SMC5: variants seen among roughly 807,000 people sequenced by gnomAD.
SMC5 encodes structural maintenance of chromosomes 5, also known as structural maintenance of chromosomes protein 5.
Under a neutral mutation model 148.3 loss-of-function variants are expected in SMC5, and 88 were observed. That is an observed-to-expected ratio of 0.59 (90% CI 0.50 to 0.71). SMC5 has a LOEUF of 0.71. SMC5 is among the 30% of genes least tolerant of loss of function. The probability of loss-of-function intolerance (pLI) is 0.00; values close to 1 mark genes in which losing one functional copy is unlikely to be tolerated. For missense variants in SMC5, 1,142 were observed against 1,298.9 expected (o/e 0.88, Z 1.86); for synonymous variants, 421 against 432.8 (o/e 0.97, Z 0.34).
In SMC5 at chr9:70,350,425, C is replaced by T; in HGVS notation, c.3119C>T (p.Thr1040Ile). Residue 1040 changes from threonine to isoleucine, a missense_variant, in exon 24 of 25, where the codon ACT becomes ATT. Thr to Ile is a moderately conservative substitution (Grantham distance 89, BLOSUM62 -1). Around this residue, in one of 5 missense-constraint regions of SMC5, gnomAD observed 30 missense variants for 65.3 expected, o/e 0.46. Transcript: ENST00000361138. ...ERRVFEMVVNTACKENTSQYF... is the reference protein window; with the variant it reads ...ERRVFEMVVNIACKENTSQYF... ...AGAGTGTTTGAAATGGTTGTAAATA[C>T]TGCCTGTAAAGAAAATACATCTCAA... The T allele has an allele frequency of 1.2e-6, 2 of 1,604,320 alleles. No individual in the cohort carries two copies. Among genetic ancestry groups the T allele is most frequent in the Non-Finnish European group, 1.7e-6 (2 of 1,177,280 alleles).
At chr9:70,283,660 G>A (rs2034817945) in intron 7 of SMC5, among the ~76,000 whole-genome samples, 1 of 152,110 alleles carries the variant, frequency 6.6e-6, no homozygotes, top group Admixed American at 6.6e-5. Context: ...GTTGGCCACT[G>A]TGCTTGAAGA....
intron 22 of SMC5, 142 bp downstream of exon 22, chr9:70,348,180 C>A (rs1382249209): frequency 1.5e-5 from 12 of 815,202 alleles, no homozygotes; most frequent in Non-Finnish European, 2.1e-5. Context: ...AAGGAGAAAA[C>A]CACCTGTGGG....
At chr9:70,340,678 T>C (rs2118787622) in intron 17 of SMC5, among the ~76,000 whole-genome samples, 1 of 152,168 alleles carries the variant, frequency 6.6e-6, no homozygotes, top group East Asian at 1.9e-4. Flanking sequence ...GTTTTCATTT[T>C]ATTTGATTCT....
intron 8 of SMC5, among the ~76,000 whole-genome samples, chr9:70,289,533 CAAAT>C (rs2035002013): frequency 6.6e-6 from 1 of 151,942 alleles, no homozygotes; most frequent in Non-Finnish European, 1.5e-5. Flanking sequence ...AATTTGATGG[CAAAT>C]AAAGGAGTTT....
chr9:70,330,209 T>G (rs2036184219), intron 17 of SMC5, among the ~76,000 whole-genome samples: 1 of 152,178 alleles, frequency 6.6e-6, no homozygotes, highest in Non-Finnish European at 1.5e-5. Flanking sequence ...TATTGACATT[T>G]TAGAGTGGAT....
intron 17 of SMC5, among the ~76,000 whole-genome samples, chr9:70,329,964 G>A (rs1304206049): frequency 6.6e-6 from 1 of 152,110 alleles, no homozygotes; most frequent in East Asian, 1.9e-4. Context: ...AGGGGGAAGT[G>A]CTGCACACTT....
At chr9:70,323,258 A>C (rs189610880) in intron 15 of SMC5, among the ~76,000 whole-genome samples, 1 of 152,282 alleles carries the variant, frequency 6.6e-6, no homozygotes, top group Admixed American at 6.5e-5. Context: ...TCTGGTTTTT[A>C]GCTATTAACT....
intron 22 of SMC5, among the ~76,000 whole-genome samples, chr9:70,348,279 G>T (rs1021831703): frequency 1.3e-5 from 2 of 151,940 alleles, no homozygotes; most frequent in African/African-American, 2.4e-5. Context: ...CTGAGTAATG[G>T]TTATTCAGTT....
chr9:70,295,871 T>C (rs901370361), intron 8 of SMC5, among the ~76,000 whole-genome samples: 1 of 152,204 alleles, frequency 6.6e-6, no homozygotes, highest in Non-Finnish European at 1.5e-5. Context: ...GTCTTTAGTG[T>C]TTAGTGATTC....
At chr9:70,290,725 C>A (rs1205200583) in intron 8 of SMC5, among the ~76,000 whole-genome samples, 1 of 151,966 alleles carries the variant, frequency 6.6e-6, no homozygotes, top group Non-Finnish European at 1.5e-5. Flanking sequence ...TGTTTTAATC[C>A]TTTTCCTATT....
chr9:70,316,134 G>A (rs2035794607), intron 13 of SMC5, among the ~76,000 whole-genome samples: 1 of 151,870 alleles, frequency 6.6e-6, no homozygotes, highest in Non-Finnish European at 1.5e-5. Context: ...ATGCTGTTGG[G>A]AATTTTATTC....
rs537089512 is a variant in SMC5 at position 70,345,372 on chromosome 9, A to G, written c.2523+1103A>G. Among the ~76,000 whole-genome samples the G allele has an allele frequency of 2.6e-5, 4 of 152,246 alleles. No homozygotes were observed. The South Asian group carries it at 8.3e-4, about 32-fold the overall frequency. On this transcript the variant is annotated intron_variant, in intron 18 of 24. Transcript: ENST00000361138. ...GGAAGATTGGGTAGATGAAAACACA[A>G]ATCAAAAATCAGATAATGTCAGATA...
At chr9:70,268,275 G>A (rs968251260) in intron 3 of SMC5, among the ~76,000 whole-genome samples, 24 of 151,998 alleles carry the variant, frequency 1.6e-4, no homozygotes, top group East Asian at 3.9e-4. Flanking sequence ...AGGAAGCCCC[G>A]TCTCTACTAA....
chr9:70,292,619 A>G (rs1252121002), intron 8 of SMC5, among the ~76,000 whole-genome samples: 2 of 152,166 alleles, frequency 1.3e-5, no homozygotes, highest in African/African-American at 4.8e-5. Context: ...ATTATTCAGT[A>G]TGTAATAATA....
At chr9:70,295,099 G>A (rs2035159858) in intron 8 of SMC5, among the ~76,000 whole-genome samples, 1 of 152,098 alleles carries the variant, frequency 6.6e-6, no homozygotes, top group African/African-American at 2.4e-5. Flanking sequence ...GCAGGAAAAG[G>A]TCACCACTTG....
At chr9:70,313,940 A>G (rs925309668) in intron 11 of SMC5, among the ~76,000 whole-genome samples, 4 of 152,170 alleles carry the variant, frequency 2.6e-5, no homozygotes, top group East Asian at 1.9e-4. Flanking sequence ...CTCTCAAGCA[A>G]TGGACAGCAA....
chr9:70,266,274 T>C (rs924259470), intron 2 of SMC5, among the ~76,000 whole-genome samples: 2 of 152,160 alleles, frequency 1.3e-5, no homozygotes, highest in Non-Finnish European at 2.9e-5. Context: ...TTTAGTGCTA[T>C]ATGGAAGACA....
At chr9:70,308,437 C>T (rs888961000) in intron 11 of SMC5, among the ~76,000 whole-genome samples, 8 of 151,624 alleles carry the variant, frequency 5.3e-5, no homozygotes, top group African/African-American at 1.9e-4. Context: ...ACTAAAAATA[C>T]AAAAAATTAG....
Position 70,318,789 on chromosome 9 carries a change from T to A in SMC5, c.1981-5T>A, listed in dbSNP as rs748126657. The A allele has an allele frequency of 2.6e-6, 4 of 1,557,054 alleles. No individual in the cohort carries two copies. In the African/African-American group the frequency reaches 5.6e-5, roughly 22 times the overall value. On this transcript the variant is annotated splice_region_variant and splice_polypyrimidine_tract_variant and intron_variant, in intron 14 of 24. Coordinates refer to ENST00000361138, the MANE Select transcript of SMC5 (RefSeq NM_015110.4). ...ATATGTTAACAATTTTTAAATATTT[T>A]ATAGGAAATTCATAGAAAATTGCAA...
Sources: gnomAD v4.1 joint callset for allele counts (sites outside exome capture counted in the v4.1 genomes callset) on GRCh38, gnomAD v4.1.1 for gene constraint, gnomAD v4.1.1 regional missense constraint, MANE v1.5 for transcripts, NCBI Gene and HGNC (gene_info 2026-07-23, HGNC 2026-07-21) for gene names.